The following MEGF9 variants were observed in gnomAD, a reference collection of about 807,000 sequenced individuals.
The protein encoded by MEGF9 is multiple EGF like domains 9.
Under a neutral mutation model 46.8 loss-of-function variants are expected in MEGF9, and 6 were observed. That is an observed-to-expected ratio of 0.13 (90% CI 0.07 to 0.25). The LOEUF (loss-of-function observed/expected upper bound fraction) is 0.25. Among genes scored for constraint, MEGF9 ranks in the 10% least tolerant of loss-of-function variants. MEGF9 has a pLI of 1.00. For synonymous variants in MEGF9, 302 were observed against 330.7 expected, an observed-to-expected ratio of 0.91 and a Z score of 0.94; for missense variants, 683 against 792.4, an observed-to-expected ratio of 0.86 and a Z score of 1.66.
At chr9:120,631,441 ATT>A (rs1261352261) in intron 2 of MEGF9, among the ~76,000 whole-genome samples, 1 of 150,304 alleles carries the variant, frequency 6.7e-6, no homozygotes, top group African/African-American at 2.4e-5. Flanking sequence ...TTTGCTCAGA[ATT>A]TGAGTATTTG....
chr9:120,695,809 T>G (rs2043874327), intron 1 of MEGF9, among the ~76,000 whole-genome samples: 1 of 152,178 alleles, frequency 6.6e-6, no homozygotes, highest in African/African-American at 2.4e-5. Context: ...CCTTCCTATT[T>G]GGAGGAATTC....
At chr9:120,638,597 C>T (rs376950402) in intron 2 of MEGF9, among the ~76,000 whole-genome samples, 17 of 152,314 alleles carry the variant, frequency 1.1e-4, no homozygotes, top group African/African-American at 4.1e-4. Flanking sequence ...AGGGTGGTAA[C>T]AATTTATACT....
At chr9:120,688,849 AG>A (rs1355857399) in intron 1 of MEGF9, among the ~76,000 whole-genome samples, 2 of 152,242 alleles carry the variant, frequency 1.3e-5, no homozygotes, top group African/African-American at 4.8e-5. Flanking sequence ...TAATTGAATT[AG>A]TATGAATAGA....
intron 2 of MEGF9, among the ~76,000 whole-genome samples, chr9:120,648,875 C>A (rs2043636637): frequency 6.6e-6 from 1 of 152,168 alleles, no homozygotes; most frequent in East Asian, 1.9e-4. Context: ...ATTTTGGCAT[C>A]AGTTTACTTC....
At chr9:120,615,908 T>C (rs1031863330) in intron 3 of MEGF9, among the ~76,000 whole-genome samples, 1 of 151,750 alleles carries the variant, frequency 6.6e-6, no homozygotes, top group Non-Finnish European at 1.5e-5. Context: ...GAAAAATAAA[T>C]AAATTAAAAA....
intron 1 of MEGF9, among the ~76,000 whole-genome samples, chr9:120,695,931 C>G (rs1486442330): frequency 6.6e-6 from 1 of 152,198 alleles, no homozygotes; most frequent in Non-Finnish European, 1.5e-5. Flanking sequence ...TTCCAACAAT[C>G]AGATGCACCT....
At chr9:120,680,618 T>A (rs563774273) in intron 1 of MEGF9, among the ~76,000 whole-genome samples, 1 of 152,062 alleles carries the variant, frequency 6.6e-6, no homozygotes, top group Non-Finnish European at 1.5e-5. Context: ...GCCCTTCCCT[T>A]CAGGGCGGCA....
At chr9:120,611,059 T>C (rs2043442892) in intron 4 of MEGF9, among the ~76,000 whole-genome samples, 1 of 152,134 alleles carries the variant, frequency 6.6e-6, no homozygotes. Context: ...TCATATCTAC[T>C]AGGATGGCTA....
intron 3 of MEGF9, among the ~76,000 whole-genome samples, chr9:120,618,323 C>T (rs909440468): frequency 2.6e-5 from 4 of 152,036 alleles, no homozygotes; most frequent in Non-Finnish European, 4.4e-5. Context: ...TTAGGTAGCA[C>T]AAAAACTAGG....
intron 4 of MEGF9, among the ~76,000 whole-genome samples, chr9:120,609,318 A>G (rs987687419): frequency 1.3e-5 from 2 of 152,198 alleles, no homozygotes; most frequent in African/African-American, 4.8e-5. Context: ...TTTCTAGTTC[A>G]GTTAGCAAAT....
chr9:120,703,426 A>G (rs796685355), intron 1 of MEGF9, among the ~76,000 whole-genome samples: 3 of 152,310 alleles, frequency 2.0e-5, no homozygotes, highest in African/African-American at 7.2e-5. Context: ...TCTGAATCCC[A>G]GTGTTTGCCA....
chr9:120,653,665 C>A (rs1355802347), intron 2 of MEGF9, among the ~76,000 whole-genome samples: 2 of 152,132 alleles, frequency 1.3e-5, no homozygotes, highest in Admixed American at 1.3e-4. Context: ...GGCCACCGCG[C>A]CCGGCCTTTA....
chr9:120,713,912 C>A lies in MEGF9; in HGVS notation c.447G>T (p.Ser149=). 2 of 1,336,118 alleles carry A rather than the reference C, an allele frequency of 1.5e-6. No individual in the cohort carries two copies. Among genetic ancestry groups the A allele is most frequent in the South Asian group, 2.2e-5 (1 of 46,080 alleles). 82.8% of individuals were successfully genotyped at this position (1,336,118 alleles called of 1,614,324 possible). A position where few individuals can be genotyped will look rare whatever the true frequency, so the allele number is the denominator to read the frequency against. ...APTRPAPTTL[S]TTTGPAPTTP... ...TGGTCGGCGCCGGGCCAGTGGTCGTCGAAAGGGTGGTCGGCGCGGGTCTGG... is the reference window on the plus strand; with the variant it reads ...TGGTCGGCGCCGGGCCAGTGGTCGTAGAAAGGGTGGTCGGCGCGGGTCTGG... Residue 149 remains serine (S), a synonymous_variant, in exon 1 of 6, where the codon TCG becomes TCT. Coordinates refer to ENST00000373930, the MANE Select transcript of MEGF9 (RefSeq NM_001080497.3).
intron 4 of MEGF9, among the ~76,000 whole-genome samples, chr9:120,608,673 T>A (rs924291053): frequency 6.6e-6 from 1 of 152,136 alleles, no homozygotes; most frequent in Non-Finnish European, 1.5e-5. Flanking sequence ...TCCACAAACA[T>A]CTCAAACTTA....
At chr9:120,612,256 C>T in intron 4 of MEGF9, 140 bp downstream of exon 4, 1 of 658,472 alleles carries the variant, frequency 1.5e-6, no homozygotes, top group Non-Finnish European at 2.4e-6. Context: ...ATTATAAATT[C>T]CTGGAAAGGA....
chr9:120,627,790 C>A (rs1049297625), intron 2 of MEGF9, among the ~76,000 whole-genome samples: 1 of 152,108 alleles, frequency 6.6e-6, no homozygotes, highest in Non-Finnish European at 1.5e-5. Context: ...AAAATTAATT[C>A]ATTTGTGGTC....
At chr9:120,655,945 A>G (rs2043674779) in intron 2 of MEGF9, among the ~76,000 whole-genome samples, 1 of 152,222 alleles carries the variant, frequency 6.6e-6, no homozygotes, top group Non-Finnish European at 1.5e-5. Flanking sequence ...TTTAAAATGC[A>G]GTATTTGGCT....
At chr9:120,611,827 G>A (rs2043446873) in intron 4 of MEGF9, among the ~76,000 whole-genome samples, 1 of 137,992 alleles carries the variant, frequency 7.2e-6, no homozygotes, top group Non-Finnish European at 1.5e-5. Flanking sequence ...GAAAAGAAAA[G>A]AAAGAAAGGA....
chr9:120,713,440 G>T (rs1349463011), intron 1 of MEGF9, among the ~76,000 whole-genome samples: 1 of 152,186 alleles, frequency 6.6e-6, no homozygotes, highest in East Asian at 1.9e-4. Context: ...GAGAGGCTGG[G>T]TGCGCGAACC....
Sources: allele counts gnomAD v4.1 joint callset (sites outside exome capture counted in the v4.1 genomes callset), GRCh38; gene constraint gnomAD v4.1.1; transcripts MANE v1.5; gene names NCBI Gene and HGNC (gene_info 2026-07-23, HGNC 2026-07-21).